ARAP1: variants seen among roughly 807,000 people sequenced by gnomAD.
ARAP1 encodes the protein ArfGAP with RhoGAP domain, ankyrin repeat and PH domain 1, also known as arf-GAP with Rho-GAP domain, ANK repeat and PH domain-containing protein 1.
ARAP1 carries 76 observed loss-of-function variants against 172.2 expected under a neutral mutation model. The ratio of observed to expected loss-of-function variants is 0.44; its 90% CI spans 0.37 to 0.53. The LOEUF is 0.53. Among genes scored for constraint, ARAP1 ranks in the 20% least tolerant of loss-of-function variants. The pLI is 0.00. For missense variants in ARAP1, 1,686 were observed against 1,977.5 expected (o/e 0.85, Z 2.80); for synonymous variants, 804 against 803.3 (o/e 1.00, Z -0.01).
intron 14 of ARAP1, chr11:72,703,458 A>G (rs1023075651): frequency 1.2e-5 from 2 of 173,152 alleles, no homozygotes; most frequent in Non-Finnish European, 2.4e-5. Context: ...TGAATTCCTC[A>G]CCGCCTGCCC....
rs1277395857 is a variant in ARAP1 at position 72,707,320 on chromosome 11, T to C, written c.1578A>G (p.Gly526=). 1.2e-6 allele frequency: 2 copies of C among 1,613,642 alleles called. No homozygotes were observed. Among genetic ancestry groups the C allele is most frequent in the South Asian group, 2.2e-5 (2 of 91,010 alleles). Residue 526 remains glycine (G), a synonymous_variant, in exon 12 of 35, where the codon GGA becomes GGG. Transcript: ENST00000393609. ...EKEQWLEAMQ[G]AIAEALSTSE... ...AGGTAGACAGGGCCTCAGCGATGGCTCCCTGCATGGCCTCCAACCACTGCT... is the reference window on the plus strand; with the variant it reads ...AGGTAGACAGGGCCTCAGCGATGGCCCCCTGCATGGCCTCCAACCACTGCT...
chr11:72,712,152 C>G (rs201875972), intron 7 of ARAP1, 44 bp downstream of exon 7: 4 of 1,506,570 alleles, frequency 2.7e-6, no homozygotes, highest in South Asian at 2.6e-5. Flanking sequence ...CTGCCCCCCA[C>G]CCCCCCATGC....
Position 72,704,230 on chromosome 11 carries a change from G to A in ARAP1, c.1914C>T (p.Cys638=). The A allele has an allele frequency of 6.2e-7, 1 of 1,613,762 alleles. No individual in the cohort carries two copies. Residue 638 remains cysteine, a synonymous_variant, in exon 14 of 35, where the codon TGC becomes TGT. Transcript: ENST00000393609. The part of the protein sequence containing the change: ...QPSSSPSTRR[C]HLEAKYREGK... ...CCTCACGGTACTTGGCCTCCAGGTG[G>A]CACCGCCGGGTGCTGGGGCTGCTGC...
Position 72,695,664 on chromosome 11 carries a change from C to T in ARAP1, c.3421-36G>A, listed in dbSNP as rs760533059. The stretch of plus-strand genomic sequence containing the variant: ...GCGAGAGGCAGGGACAGGTGGTCAC[C>T]GTCATCTGCAAGGATCACCCCTGCC... On this transcript the variant is annotated intron_variant, in intron 24 of 34. Coordinates refer to ENST00000393609, the MANE Select transcript of ARAP1 (RefSeq NM_001040118.3). The surrounding 1 kb of genome is among the most constrained non-coding windows in gnomAD (Gnocchi z 4.4). 7.8e-5 allele frequency: 126 copies of T among 1,613,876 alleles called. No individual in the cohort carries two copies. The highest frequency in any genetic ancestry group is 2.5e-4 in the Admixed American group (15 of 59,996).
At chr11:72,751,421 C>T (rs887389326) in intron 1 of ARAP1, among the ~76,000 whole-genome samples, 2 of 152,144 alleles carry the variant, frequency 1.3e-5, no homozygotes, top group African/African-American at 2.4e-5. Flanking sequence ...CACCTGTCCA[C>T]ACCTGTCTTC....
Position 72,695,679 on chromosome 11 carries a change from T to C in ARAP1, c.3420+39A>G, listed in dbSNP as rs1856156222. ...AGGTGGTCACCGTCATCTGCAAGGA[T>C]CACCCCTGCCCTCCACTGCCCACTG... On this transcript the variant is annotated intron_variant, in intron 24 of 34. Transcript: ENST00000393609. This position sits in a 1 kb window ranked among gnomAD's most constrained non-coding sequence, Gnocchi z 4.4. 1 of 1,614,036 alleles carries C rather than the reference T, an allele frequency of 6.2e-7. No homozygotes were observed. Among genetic ancestry groups the C allele is most frequent in the Admixed American group, 1.7e-5 (1 of 60,006 alleles).
At chr11:72,716,650 C>T (rs1857285976) in intron 3 of ARAP1, among the ~76,000 whole-genome samples, 1 of 152,252 alleles carries the variant, frequency 6.6e-6, no homozygotes, top group Non-Finnish European at 1.5e-5. Flanking sequence ...AAACTACTGG[C>T]CCCTTAGGTA....
intron 1 of ARAP1, among the ~76,000 whole-genome samples, chr11:72,738,294 C>CGTGT (rs1193755712): frequency 6.6e-6 from 1 of 152,130 alleles, no homozygotes; most frequent in Non-Finnish European, 1.5e-5. Flanking sequence ...GTCTGCTGAC[C>CGTGT]GTGTGGGTGT....
intron 1 of ARAP1, among the ~76,000 whole-genome samples, chr11:72,748,531 AAAT>A (rs1351232464): frequency 6.6e-6 from 1 of 151,934 alleles, no homozygotes; most frequent in Non-Finnish European, 1.5e-5. Context: ...AAAAAAAAAA[AAAT>A]GATTTGTTAT....
chr11:72,710,354 G>C lies in ARAP1; in HGVS notation c.1416+31C>G. ...CCTGGGGCAGGGTAGGTGGACATGG[G>C]CAGGGGAGAGGTTCCATGACCCCTT... On this transcript the variant is annotated intron_variant, in intron 10 of 34. Transcript: ENST00000393609. This position sits in a 1 kb window ranked among gnomAD's most constrained non-coding sequence, Gnocchi z 4.3. 6.2e-7 allele frequency: 1 copy of C among 1,611,002 alleles called. No homozygotes were observed. The highest frequency in any genetic ancestry group is 1.1e-5 in the South Asian group (1 of 90,856).
In ARAP1 at chr11:72,699,032, A is replaced by G; in HGVS notation, c.2514T>C (p.Ala838=). 4 of 1,614,130 alleles carry G rather than the reference A, an allele frequency of 2.5e-6. No individual in the cohort carries two copies. Among genetic ancestry groups the G allele is most frequent in the Non-Finnish European group, 3.4e-6 (4 of 1,180,022 alleles). ...YLFGLESAEQ[A]HEWVKCIAKA... is the part of the protein sequence containing the mutation. The stretch of plus-strand genomic sequence containing the variant: ...TAGCAATACACTTGACCCACTCATG[A>G]GCCTGCTCCGCACTCTCCAGCCCAA... Residue 838 remains alanine, a synonymous_variant, in exon 18 of 35, where the codon GCT becomes GCC. Transcript: ENST00000393609. This position sits in a 1 kb window ranked among gnomAD's most constrained non-coding sequence, Gnocchi z 4.2.
Position 72,726,905 on chromosome 11 carries a change from G to A in ARAP1, c.224C>T (p.Pro75Leu). Residue 75 changes from proline to leucine, a missense_variant, in exon 3 of 35, where the codon CCC (proline) becomes CTC (leucine). By Grantham distance (98) the Pro-to-Leu change is moderately conservative (BLOSUM62 -3). This residue lies in a region of ARAP1 where 190 missense variants were observed against 228.6 expected (regional missense o/e 0.83). Transcript: ENST00000393609. The surrounding 1 kb of genome is among the most constrained non-coding windows in gnomAD (Gnocchi z 6.5). Reference sequence around the variant, plus strand: ...GGGCACAGGCCGTGGGGTGGGGCGGGGTGCAGGGGCCGGTGAGGTATGGGC... The same window carrying A: ...GGGCACAGGCCGTGGGGTGGGGCGGAGTGCAGGGGCCGGTGAGGTATGGGC... The part of the protein sequence containing the change: ...LRAHTSPAPA[P>L]RPTPRPVPMK... 1 of 1,586,558 alleles carries A rather than the reference G, an allele frequency of 6.3e-7. No homozygotes were observed. Among genetic ancestry groups the A allele is most frequent in the Non-Finnish European group, 8.6e-7 (1 of 1,166,558 alleles).
rs1056129254 is a variant in ARAP1, at chr11:72,685,511, C to A, written c.*153G>T. The A allele has an allele frequency of 2.7e-6, 3 of 1,099,852 alleles. No individual in the cohort carries two copies. Among genetic ancestry groups the A allele is most frequent in the Non-Finnish European group, 4.0e-6 (3 of 742,120 alleles). 68.1% of individuals were successfully genotyped at this position (1,099,852 alleles called of 1,614,324 possible). The stretch of plus-strand genomic sequence containing the variant: ...GCTGCCTCCCACCCCTGCCGGGGAA[C>A]CCCATGCTGCAGTCAGGATGGAGGA... On this transcript the variant is annotated 3_prime_UTR_variant, in exon 35 of 35. Coordinates refer to ENST00000393609, the MANE Select transcript of ARAP1 (RefSeq NM_001040118.3).
At chr11:72,698,786 C>T (rs1008219276) in intron 18 of ARAP1, among the ~76,000 whole-genome samples, 1 of 152,198 alleles carries the variant, frequency 6.6e-6, no homozygotes, top group African/African-American at 2.4e-5. Flanking sequence ...GTGCAAGGCC[C>T]ACAGCCCTTC....
chr11:72,696,613 G>C lies in ARAP1; in HGVS notation c.3208C>G (p.Leu1070Val), dbSNP rs1238057124. 1.9e-6 allele frequency: 3 copies of C among 1,606,540 alleles called. No homozygotes were observed. In the African/African-American group the frequency reaches 4.0e-5, roughly 22 times the overall value. Reference sequence around the variant, plus strand: ...TTGACAGGGGGCAGCCGCACCAGCAGCTCTCGGTACCTGGAGACCTTCTCC... The same window carrying C: ...TTGACAGGGGGCAGCCGCACCAGCACCTCTCGGTACCTGGAGACCTTCTCC... ...EEEKVSRYRE[L>V]LVRLPPVNRA... The change falls in exon 23 of 35, where the codon CTG becomes GTG. Residue 1070 changes from leucine (L) to valine (V), a missense_variant. By Grantham distance (32) the Leu-to-Val change is conservative. This residue lies in a region of ARAP1 where 274 missense variants were observed against 262.7 expected (regional missense o/e 1.04). Coordinates refer to ENST00000393609, the MANE Select transcript of ARAP1 (RefSeq NM_001040118.3).
Position 72,725,341 on chromosome 11 carries a change from C to G in ARAP1, c.509+1279G>C, listed in dbSNP as rs1281702939. Among the ~76,000 whole-genome samples the G allele has an allele frequency of 6.6e-6, 1 of 150,614 alleles. No individual in the cohort carries two copies. The highest frequency in any genetic ancestry group is 6.6e-5 in the Admixed American group (1 of 15,148). On this transcript the variant is annotated intron_variant, in intron 3 of 34. Transcript: ENST00000393609. This position sits in a 1 kb window ranked among gnomAD's most constrained non-coding sequence, Gnocchi z 4.3. ...CTCTTTTTCTCTCTCTCTCTCCCCC[C>G]CACAAGCTGATGGGGTTGAAATAGA...
intron 13 of ARAP1, 181 bp downstream of exon 13, chr11:72,705,624 C>T (rs1856723079): frequency 3.6e-6 from 2 of 549,356 alleles, no homozygotes; most frequent in South Asian, 5.3e-5. Flanking sequence ...AGCTCACTGG[C>T]CAGTTTGCTG....
At chr11:72,702,442 A>G (rs1732849197) in intron 15 of ARAP1, among the ~76,000 whole-genome samples, 2 of 152,166 alleles carry the variant, frequency 1.3e-5, no homozygotes, top group East Asian at 1.9e-4. Flanking sequence ...GAGGGAGCCA[A>G]TGGTACCCAA....
chr11:72,687,357 T>C lies in ARAP1; in HGVS notation c.4185+82A>G, dbSNP rs142125475. 21 of 1,550,604 alleles carry C rather than the reference T, an allele frequency of 1.4e-5. 1 individual carries two copies. In the African/African-American group the frequency reaches 1.4e-4, roughly 10 times the overall value. ...TCCTTGAAGCAAGGGGTGGGTTGAA[T>C]AGCACAGAAGCCAATGTCCCCATTC... On this transcript the variant is annotated intron_variant, in intron 33 of 34. Coordinates refer to ENST00000393609, the MANE Select transcript of ARAP1 (RefSeq NM_001040118.3).
Sources: gnomAD v4.1 joint callset for allele counts (sites outside exome capture counted in the v4.1 genomes callset) on GRCh38, gnomAD v4.1.1 for gene constraint, gnomAD v4.1.1 regional missense constraint, Gnocchi (gnomAD v3.1) non-coding constraint, MANE v1.5 for transcripts, NCBI Gene and HGNC (gene_info 2026-07-23, HGNC 2026-07-21) for gene names.